EEPD1: variants seen among roughly 807,000 people sequenced by gnomAD.
The protein encoded by EEPD1 is endonuclease/exonuclease/phosphatase family domain containing 1.
In EEPD1, 17 loss-of-function variants were observed where a neutral mutation model predicts 46.3. That is an observed-to-expected ratio of 0.37 (90% CI 0.25 to 0.55). The LOEUF (loss-of-function observed/expected upper bound fraction) is 0.55, where lower values mean the gene tolerates loss of function less well. EEPD1 is among the 20% of genes least tolerant of loss of function. EEPD1 has a pLI of 0.83. For missense variants in EEPD1, 673 were observed against 745.6 expected (o/e 0.90, Z 1.13); for synonymous variants, 313 against 315.6 (o/e 0.99, Z 0.09).
chr7:36,286,463 T>C (rs1787344469), intron 5 of EEPD1, among the ~76,000 whole-genome samples: 1 of 152,000 alleles, frequency 6.6e-6, no homozygotes, highest in Non-Finnish European at 1.5e-5. Context: ...TTCCTGGCAG[T>C]GTTGATGTTG....
chr7:36,250,892 C>G (rs1207135097), intron 3 of EEPD1, among the ~76,000 whole-genome samples: 1 of 152,110 alleles, frequency 6.6e-6, no homozygotes, highest in Non-Finnish European at 1.5e-5. Context: ...TTCTTTACCC[C>G]CAAAATGTTG....
intron 2 of EEPD1, among the ~76,000 whole-genome samples, chr7:36,182,160 A>G (rs559734684): frequency 1.2e-4 from 18 of 152,342 alleles, no homozygotes; most frequent in African/African-American, 3.8e-4. Context: ...TAGTCCAGCC[A>G]CAAAGGGGGA....
chr7:36,236,641 C>T (rs1250475729), intron 2 of EEPD1, among the ~76,000 whole-genome samples: 1 of 152,194 alleles, frequency 6.6e-6, no homozygotes, highest in African/African-American at 2.4e-5. Flanking sequence ...TAGCTGTCTC[C>T]TGTCTAGCTA....
Position 36,296,383 on chromosome 7 carries a change from C to T in EEPD1, c.1316-610C>T, listed in dbSNP as rs577127240. Among the ~76,000 whole-genome samples, 4 of 152,310 alleles carry T rather than the reference C, an allele frequency of 2.6e-5. No homozygotes were observed. The South Asian group carries it at 6.2e-4, about 24-fold the overall frequency. ...GGTACCCACCCCACCCCTGGGAAGC[C>T]AGGCTGTTTCTTAGCTCCCTGGCCT... On this transcript the variant is annotated intron_variant, in intron 6 of 7. Coordinates refer to ENST00000242108, the MANE Select transcript of EEPD1 (RefSeq NM_030636.3).
At chr7:36,249,903 C>T (rs996537502) in intron 3 of EEPD1, among the ~76,000 whole-genome samples, 1 of 152,152 alleles carries the variant, frequency 6.6e-6, no homozygotes, top group East Asian at 1.9e-4. Context: ...GAGGTCCTCA[C>T]CTAATGTTCT....
intron 2 of EEPD1, among the ~76,000 whole-genome samples, chr7:36,176,218 G>T (rs1161464751): frequency 6.6e-6 from 1 of 152,246 alleles, no homozygotes; most frequent in Admixed American, 6.5e-5. Flanking sequence ...TGGGAAGGAA[G>T]ATTCCTGAAG....
chr7:36,258,912 T>G (rs1406564477), intron 3 of EEPD1, among the ~76,000 whole-genome samples: 1 of 146,922 alleles, frequency 6.8e-6, no homozygotes. Flanking sequence ...AAACTGCAGC[T>G]AGCTCAGTGT....
chr7:36,154,966 C>G lies in EEPD1; in HGVS notation c.642C>G (p.Thr214=), dbSNP rs141136607. Residue 214 remains threonine (T), a synonymous_variant, in exon 2 of 8, where the codon ACC becomes ACG. Coordinates refer to ENST00000242108, the MANE Select transcript of EEPD1 (RefSeq NM_030636.3). The surrounding 1 kb of genome is among the most constrained non-coding windows in gnomAD (Gnocchi z 4.2). The part of the protein sequence containing the change: ...STHTNGGLTF[T]AKPHPSPTSL... ...ACACGAACGGGGGACTGACCTTCAC[C>G]GCCAAGCCTCACCCGAGCCCCACTT... is the stretch of plus-strand genomic sequence containing the variant. 8.7e-6 allele frequency: 14 copies of G among 1,613,884 alleles called. No individual in the cohort carries two copies. The highest frequency in any genetic ancestry group is 1.2e-5 in the Non-Finnish European group (14 of 1,179,960).
Position 36,277,491 on chromosome 7 carries a change from G to A in EEPD1, c.931-3624G>A, listed in dbSNP as rs558682537. On this transcript the variant is annotated intron_variant, in intron 3 of 7. Transcript: ENST00000242108. Reference sequence around the variant, plus strand: ...TCTTGAGAAAATGATGCCGATTCTCGTGCAGCAGGTCTAGGGTGGGCCTGT... The same window carrying A: ...TCTTGAGAAAATGATGCCGATTCTCATGCAGCAGGTCTAGGGTGGGCCTGT... Among the ~76,000 whole-genome samples, 23 of 152,302 alleles carry A rather than the reference G, an allele frequency of 1.5e-4. No homozygotes were observed. The South Asian group carries it at 3.3e-3, about 22-fold the overall frequency.
At chr7:36,266,049 A>G (rs1245464569) in intron 3 of EEPD1, among the ~76,000 whole-genome samples, 1 of 152,150 alleles carries the variant, frequency 6.6e-6, no homozygotes, top group Non-Finnish European at 1.5e-5. Flanking sequence ...ATGGAAGGGC[A>G]TGTCTGGTGC....
At position 36,154,873 on chromosome 7, in the gene EEPD1, C is replaced by T. The variant is rs1333267789; in HGVS notation, c.549C>T (p.Ile183=). ...AGGACCTAGTGAGGATGGATGGTAT[C>T]AATGCCGCCTTCCTGGACAGGATCC... The part of the protein sequence containing the change: ...SVEDLVRMDG[I]NAAFLDRIRH... The change falls in exon 2 of 8, where the codon ATC becomes ATT. Residue 183 remains isoleucine (I), a synonymous_variant. Coordinates refer to ENST00000242108, the MANE Select transcript of EEPD1 (RefSeq NM_030636.3). This position sits in a 1 kb window ranked among gnomAD's most constrained non-coding sequence, Gnocchi z 4.2. 1.9e-6 allele frequency: 3 copies of T among 1,614,060 alleles called. No homozygotes were observed. The highest frequency in any genetic ancestry group is 2.7e-5 in the African/African-American group (2 of 74,910).
chr7:36,197,307 G>A (rs1168496454), intron 2 of EEPD1, among the ~76,000 whole-genome samples: 4 of 149,340 alleles, frequency 2.7e-5, no homozygotes, highest in African/African-American at 7.5e-5. Context: ...TCAGCCCCCC[G>A]CCCGGCCAGC....
In EEPD1 at chr7:36,194,850, A is replaced by G. The variant is rs1463344550; in HGVS notation, c.878+39648A>G. ...AAATCCATATGTCCCTGAGTGTGCCAGGAATAATTAGTTGATTCCAATGGT... is the reference window on the plus strand; with the variant it reads ...AAATCCATATGTCCCTGAGTGTGCCGGGAATAATTAGTTGATTCCAATGGT... On this transcript the variant is annotated intron_variant, in intron 2 of 7. Coordinates refer to ENST00000242108, the MANE Select transcript of EEPD1 (RefSeq NM_030636.3). Among the ~76,000 whole-genome samples the G allele has an allele frequency of 2.0e-5, 3 of 152,220 alleles. 1 individual carries two copies. The highest frequency in any genetic ancestry group is 2.9e-5 in the Non-Finnish European group (2 of 68,030).
intron 2 of EEPD1, among the ~76,000 whole-genome samples, chr7:36,220,681 A>G (rs1298210859): frequency 6.6e-6 from 1 of 152,180 alleles, no homozygotes; most frequent in African/African-American, 2.4e-5. Flanking sequence ...GAACATGAAA[A>G]TGTCTCTGAT....
In EEPD1 at chr7:36,165,689, G is replaced by A. The variant is rs575227426; in HGVS notation, c.878+10487G>A. Among the ~76,000 whole-genome samples the A allele has an allele frequency of 1.6e-4, 24 of 151,418 alleles. No homozygotes were observed. In the East Asian group the frequency reaches 2.7e-3, roughly 17 times the overall value. On this transcript the variant is annotated intron_variant, in intron 2 of 7. Coordinates refer to ENST00000242108, the MANE Select transcript of EEPD1 (RefSeq NM_030636.3). ...CTTGACCTCGTGATCTGCCTGCCTC[G>A]GCTTCCCAAAGTGCTGGGATTACAG...
chr7:36,219,586 AAAGAAG>A (rs70977120), intron 2 of EEPD1, among the ~76,000 whole-genome samples: 4 of 148,074 alleles, frequency 2.7e-5, no homozygotes, highest in East Asian at 2.0e-4. Flanking sequence ...GGAAAGAAGA[AAAGAAG>A]AAGAAGGAGG....
intron 2 of EEPD1, among the ~76,000 whole-genome samples, chr7:36,180,652 G>A (rs1003109671): frequency 6.6e-6 from 1 of 152,114 alleles, no homozygotes; most frequent in Non-Finnish European, 1.5e-5. Context: ...TTAGGAGTCT[G>A]CACATGTCTG....
chr7:36,271,646 T>C (rs1787103217), intron 3 of EEPD1, among the ~76,000 whole-genome samples: 1 of 148,960 alleles, frequency 6.7e-6, no homozygotes, highest in African/African-American at 2.5e-5. Flanking sequence ...TGGCTTTTGT[T>C]GCCATTGTTT....
In EEPD1 at chr7:36,193,988, G is replaced by A. The variant is rs960169983; in HGVS notation, c.878+38786G>A. On this transcript the variant is annotated intron_variant, in intron 2 of 7. Coordinates refer to ENST00000242108, the MANE Select transcript of EEPD1 (RefSeq NM_030636.3). This position sits in a 1 kb window ranked among gnomAD's most constrained non-coding sequence, Gnocchi z 4.9. ...CAGGTCCCCACCAGTCCCAGGACTT[G>A]CCGGTTCTGGGTTTATTTTGTGTGG... Among the ~76,000 whole-genome samples the A allele has an allele frequency of 1.3e-4, 20 of 152,176 alleles. No individual in the cohort carries two copies. Among genetic ancestry groups the A allele is most frequent in the African/African-American group, 4.8e-4 (20 of 41,428 alleles).
Sources: allele counts gnomAD v4.1 joint callset (sites outside exome capture counted in the v4.1 genomes callset), GRCh38; gene constraint gnomAD v4.1.1; non-coding constraint Gnocchi (gnomAD v3.1); transcripts MANE v1.5; gene names NCBI Gene and HGNC (gene_info 2026-07-23, HGNC 2026-07-21).